Variants in CDH20 observed in about 807,000 individuals in gnomAD.
The protein encoded by CDH20 is cadherin-20.
A neutral mutation model predicts 74.2 loss-of-function variants in CDH20; 29 were observed. The observed-to-expected ratio is 0.39, with a 90% CI of 0.29 to 0.53. CDH20 has a LOEUF of 0.53. Ranked by LOEUF, CDH20 falls within the 20% of genes least tolerant of loss-of-function variation. The pLI, the probability that CDH20 is intolerant of heterozygous loss-of-function variation, is 0.69. For synonymous variants in CDH20, 469 were observed against 405.4 expected (o/e 1.16, Z -1.88); for missense variants, 988 against 1,048.3 (o/e 0.94, Z 0.79).
chr18:61,529,721 C>G (rs1292672989), intron 7 of CDH20, among the ~76,000 whole-genome samples: 1 of 152,154 alleles, frequency 6.6e-6, no homozygotes, highest in Non-Finnish European at 1.5e-5. Flanking sequence ...GCTAATTAAT[C>G]TATTCCTGTA....
intron 1 of CDH20, among the ~76,000 whole-genome samples, chr18:61,418,587 ATGCATGT>A (rs1417516505): frequency 6.8e-6 from 1 of 147,328 alleles, no homozygotes; most frequent in East Asian, 2.0e-4. Flanking sequence ...GCTTCCTTAT[ATGCATGT>A]AAATAAATTT....
At position 61,550,142 on chromosome 18, in the gene CDH20, T is replaced by A. The variant is rs758170463; in HGVS notation, c.1813T>A (p.Ser605Thr). The stretch of plus-strand genomic sequence containing the variant: ...CTGTGATGACGACGGCCACGTCATG[T>A]CCTGCAGCCCAGAGGCCTACATGCT... ...CSCDDDGHVM[S>T]CSPEAYMLPV... is the part of the protein sequence containing the mutation. Residue 605 changes from serine to threonine, a missense_variant, in exon 11 of 12, where the codon TCC becomes ACC. Physicochemically the swap from Ser to Thr is moderately conservative, Grantham distance 58. Around this residue, in one of 2 missense-constraint regions of CDH20, gnomAD observed 375 missense variants for 293.1 expected, o/e 1.28. Coordinates refer to ENST00000262717, the MANE Select transcript of CDH20 (RefSeq NM_031891.4). 8 of 1,614,096 alleles carry A rather than the reference T, an allele frequency of 5.0e-6. No homozygotes were observed.
chr18:61,483,406 G>C (rs1169997467), intron 1 of CDH20, among the ~76,000 whole-genome samples: 1 of 152,118 alleles, frequency 6.6e-6, no homozygotes, highest in Non-Finnish European at 1.5e-5. Flanking sequence ...CCACCTCACT[G>C]TTTGTTTCTT....
chr18:61,505,484 C>T (rs1349417058), intron 5 of CDH20, among the ~76,000 whole-genome samples: 1 of 151,958 alleles, frequency 6.6e-6, no homozygotes, highest in Non-Finnish European at 1.5e-5. Flanking sequence ...TACAGGTGCA[C>T]ACCACCATGC....
chr18:61,401,692 C>A (rs532144467), intron 1 of CDH20, among the ~76,000 whole-genome samples: 1 of 152,260 alleles, frequency 6.6e-6, no homozygotes, highest in South Asian at 2.1e-4. Flanking sequence ...TATTTCAAAT[C>A]AATTTCCTAC....
chr18:61,404,084 G>A (rs1013646157), intron 1 of CDH20, among the ~76,000 whole-genome samples: 2 of 152,176 alleles, frequency 1.3e-5, no homozygotes, highest in Admixed American at 1.3e-4. Flanking sequence ...GTGGTAGGGG[G>A]CAAGGAGAGC....
intron 1 of CDH20, among the ~76,000 whole-genome samples, chr18:61,390,756 A>G (rs1911753571): frequency 6.6e-6 from 1 of 151,310 alleles, no homozygotes; most frequent in South Asian, 2.1e-4. Context: ...ACAGTTGCCT[A>G]GGTTAGGGAA....
chr18:61,376,340 A>G (rs889502886), intron 1 of CDH20, among the ~76,000 whole-genome samples: 4 of 152,126 alleles, frequency 2.6e-5, no homozygotes, highest in Non-Finnish European at 5.9e-5. Context: ...TCACATTTTG[A>G]TACAAAATTT....
At chr18:61,463,946 A>C (rs1599102456) in intron 1 of CDH20, among the ~76,000 whole-genome samples, 1 of 152,072 alleles carries the variant, frequency 6.6e-6, no homozygotes, top group African/African-American at 2.4e-5. Context: ...CTCTGCCCAC[A>C]CCGAGCCTGG....
intron 6 of CDH20, among the ~76,000 whole-genome samples, chr18:61,515,933 A>AT (rs112645613): frequency 0.12 from 5,924 of 47,438 alleles, 147 homozygotes; most frequent in Non-Finnish European, 0.16. Flanking sequence ...TATAATAATA[A>AT]TTTTAAAAAA....
At chr18:61,517,700 T>TGTC (rs1347344304) in intron 6 of CDH20, among the ~76,000 whole-genome samples, 1 of 150,704 alleles carries the variant, frequency 6.6e-6, no homozygotes, top group East Asian at 2.0e-4. Context: ...TTTTTTTTGT[T>TGTC]GTTGTTGTTG....
At chr18:61,366,638 G>A (rs1276067329) in intron 1 of CDH20, among the ~76,000 whole-genome samples, 1 of 152,050 alleles carries the variant, frequency 6.6e-6, no homozygotes, top group Non-Finnish European at 1.5e-5. Flanking sequence ...TTTTAGACAT[G>A]CCTTAATTAT....
chr18:61,492,274 T>G (rs890887526), intron 2 of CDH20, among the ~76,000 whole-genome samples: 1 of 152,108 alleles, frequency 6.6e-6, no homozygotes, highest in Non-Finnish European at 1.5e-5. Context: ...CAAATTCTGC[T>G]AGTCCTATGC....
chr18:61,405,057 T>C, intron 1 of CDH20: 1 of 681,410 alleles, frequency 1.5e-6, no homozygotes, highest in Non-Finnish European at 2.7e-6. Flanking sequence ...TGGACAGTTG[T>C]TACAGAGAAT....
At chr18:61,417,688 T>C (rs192778394) in intron 1 of CDH20, among the ~76,000 whole-genome samples, 158 of 150,304 alleles carry the variant, frequency 1.1e-3, no homozygotes, top group African/African-American at 3.7e-3. Flanking sequence ...AGAAACAGAT[T>C]GGCTAATGGG....
chr18:61,417,774 T>A (rs533154046), intron 1 of CDH20, among the ~76,000 whole-genome samples: 57 of 152,114 alleles, frequency 3.7e-4, no homozygotes, highest in Non-Finnish European at 6.3e-4. Context: ...TCAACAATAA[T>A]TTTATTGTAT....
chr18:61,475,026 A>AAGG (rs146563015), intron 1 of CDH20, among the ~76,000 whole-genome samples: 9,659 of 152,214 alleles, frequency 0.063, 499 homozygotes, highest in East Asian at 0.12. Context: ...AGGTCCTGTC[A>AAGG]AGTATAGATT....
chr18:61,473,836 C>T (rs116789215), intron 1 of CDH20, among the ~76,000 whole-genome samples: 1,903 of 152,284 alleles, frequency 0.012, 45 homozygotes, highest in African/African-American at 0.044. Context: ...TAAAAAATAT[C>T]TTTTTAACTG....
rs1401110275 is a variant in CDH20, at chr18:61,499,501, T to C, written c.541+21T>C. The C allele has an allele frequency of 1.9e-6, 3 of 1,569,106 alleles. No individual in the cohort carries two copies. In the African/African-American group the frequency reaches 4.1e-5, roughly 21 times the overall value. On this transcript the variant is annotated intron_variant, in intron 3 of 11. Transcript: ENST00000262717. ...TGTGGGTAAGGTGGTGACTCGCTGA[T>C]TTTCACAAATAGCACCTCCTATATA...
Sources: allele counts gnomAD v4.1 joint callset (sites outside exome capture counted in the v4.1 genomes callset), GRCh38; gene constraint gnomAD v4.1.1; regional missense constraint gnomAD v4.1.1; transcripts MANE v1.5; gene names NCBI Gene and HGNC (gene_info 2026-07-23, HGNC 2026-07-21).